Variants in MDGA2 observed in about 807,000 individuals in gnomAD.
MDGA2 encodes the protein MAM domain containing glycosylphosphatidylinositol anchor 2, also known as MAM domain-containing glycosylphosphatidylinositol anchor protein 2.
Under a neutral mutation model 117.8 loss-of-function variants are expected in MDGA2, and 40 were observed. The ratio of observed to expected loss-of-function variants is 0.34; its 90% CI spans 0.26 to 0.44. The LOEUF (loss-of-function observed/expected upper bound fraction) is 0.44. Ranked by LOEUF, MDGA2 falls within the 20% of genes least tolerant of loss-of-function variation. The pLI, the probability that MDGA2 is intolerant of heterozygous loss-of-function variation, is 1.00. For synonymous variants in MDGA2, 452 were observed against 439.0 expected (o/e 1.03, Z -0.37); for missense variants, 1,123 against 1,250.6 (o/e 0.90, Z 1.54).
intron 1 of MDGA2, among the ~76,000 whole-genome samples, chr14:47,429,054 GT>G (rs1892747100): frequency 2.0e-5 from 3 of 151,978 alleles, no homozygotes; most frequent in African/African-American, 4.8e-5. Flanking sequence ...GTAAAACCCC[GT>G]CTCTACTAAA....
At chr14:47,462,639 A>C (rs567980418) in intron 1 of MDGA2, among the ~76,000 whole-genome samples, 4 of 152,304 alleles carry the variant, frequency 2.6e-5, no homozygotes, top group Admixed American at 6.5e-5. Flanking sequence ...GCTAACTCAG[A>C]ATCTCCCAGG....
chr14:46,894,079 ACT>A (rs1272756507), intron 10 of MDGA2, among the ~76,000 whole-genome samples: 1 of 151,970 alleles, frequency 6.6e-6, no homozygotes, highest in Non-Finnish European at 1.5e-5. Flanking sequence ...AAAAGTAGTA[ACT>A]CTAATATTTT....
chr14:47,119,505 T>G (rs1011113972), intron 5 of MDGA2, among the ~76,000 whole-genome samples: 5 of 152,198 alleles, frequency 3.3e-5, no homozygotes, highest in African/African-American at 1.2e-4. Flanking sequence ...TTCCTTAAAA[T>G]GTAATATAAT....
At chr14:47,190,504 G>C (rs1885068911) in intron 3 of MDGA2, among the ~76,000 whole-genome samples, 1 of 152,148 alleles carries the variant, frequency 6.6e-6, no homozygotes, top group Admixed American at 6.5e-5. Context: ...TTCACAGATT[G>C]ACTTGAATGT....
At chr14:46,933,727 A>G (rs976535986) in intron 9 of MDGA2, among the ~76,000 whole-genome samples, 4 of 147,544 alleles carry the variant, frequency 2.7e-5, no homozygotes, top group Non-Finnish European at 6.0e-5. Flanking sequence ...TTTCAACACA[A>G]TTATGTCACC....
chr14:47,490,756 A>G (rs1372033454), intron 1 of MDGA2, among the ~76,000 whole-genome samples: 1 of 152,154 alleles, frequency 6.6e-6, no homozygotes, highest in Non-Finnish European at 1.5e-5. Flanking sequence ...ATATTATATC[A>G]GCTGTAATAA....
At chr14:46,887,521 A>G (rs1451826444) in intron 10 of MDGA2, among the ~76,000 whole-genome samples, 1 of 152,000 alleles carries the variant, frequency 6.6e-6, no homozygotes, top group Non-Finnish European at 1.5e-5. Flanking sequence ...CCAGCATACA[A>G]TGTATTTTTA....
intron 14 of MDGA2, among the ~76,000 whole-genome samples, chr14:46,863,445 A>G (rs1881594946): frequency 6.6e-6 from 1 of 152,186 alleles, no homozygotes; most frequent in African/African-American, 2.4e-5. Context: ...AGCCTGTGCA[A>G]TTCATCCTAT....
intron 8 of MDGA2, among the ~76,000 whole-genome samples, chr14:46,967,847 A>AGAAT (rs1886097306): frequency 6.6e-6 from 1 of 152,200 alleles, no homozygotes. Flanking sequence ...TAATAATAAA[A>AGAAT]GAATGATTAT....
chr14:47,038,328 T>C (rs1235604371), intron 7 of MDGA2, among the ~76,000 whole-genome samples: 1 of 152,094 alleles, frequency 6.6e-6, no homozygotes, highest in Non-Finnish European at 1.5e-5. Context: ...AAAAGAGAAG[T>C]GGTGTCAAAA....
At chr14:47,355,139 C>G (rs1400332221) in intron 1 of MDGA2, among the ~76,000 whole-genome samples, 1 of 152,120 alleles carries the variant, frequency 6.6e-6, no homozygotes, top group Non-Finnish European at 1.5e-5. Flanking sequence ...GCCCCACCAG[C>G]TTACCCTCGC....
chr14:47,674,725 G>C lies in MDGA2; in HGVS notation c.72C>G (p.Arg24=), dbSNP rs915309641. The C allele has an allele frequency of 9.7e-6, 8 of 825,208 alleles. No homozygotes were observed. The East Asian group carries it at 2.1e-4, about 22-fold the overall frequency. 51.1% of individuals were successfully genotyped at this position (825,208 alleles called of 1,614,324 possible). The change falls in exon 1 of 17, where the codon CGC becomes CGG. Residue 24 remains arginine, a synonymous_variant. Transcript: ENST00000399232. ...CGGGAACCGCTCGCCGAAGGAGGAAGCGCCGTCCGTCTGTCCTTCCCCGGC... is the reference window on the plus strand; with the variant it reads ...CGGGAACCGCTCGCCGAAGGAGGAACCGCCGTCCGTCTGTCCTTCCCCGGC... ...RRRRGRTDGR[R]FLLRRAVPGH...
intron 1 of MDGA2, among the ~76,000 whole-genome samples, chr14:47,478,310 CA>C (rs1158911578): frequency 2.0e-5 from 3 of 152,058 alleles, no homozygotes; most frequent in Non-Finnish European, 4.4e-5. Flanking sequence ...ATGGCCAAAA[CA>C]AAAGGTTATT....
chr14:46,856,620 T>C (rs1182036886), intron 14 of MDGA2, among the ~76,000 whole-genome samples: 4 of 152,064 alleles, frequency 2.6e-5, no homozygotes, highest in Non-Finnish European at 5.9e-5. Flanking sequence ...TATGTTATTG[T>C]TTTCTTAGTC....
chr14:47,654,266 T>C (rs1897698464), intron 1 of MDGA2, among the ~76,000 whole-genome samples: 1 of 152,044 alleles, frequency 6.6e-6, no homozygotes, highest in Non-Finnish European at 1.5e-5. Flanking sequence ...GATAACAAAA[T>C]CTAGTTTGAT....
chr14:47,541,707 G>A (rs1357983153), intron 1 of MDGA2, among the ~76,000 whole-genome samples: 6 of 152,184 alleles, frequency 3.9e-5, no homozygotes, highest in African/African-American at 1.2e-4. Flanking sequence ...AGAGCTTGAA[G>A]AAATGTCTTC....
intron 5 of MDGA2, among the ~76,000 whole-genome samples, chr14:47,112,216 T>A (rs570115166): frequency 3.3e-5 from 5 of 151,966 alleles, no homozygotes; most frequent in African/African-American, 9.7e-5. Flanking sequence ...AATGAGAAAA[T>A]TTTTTGCTTA....
At chr14:47,521,937 G>A (rs1894876158) in intron 1 of MDGA2, among the ~76,000 whole-genome samples, 2 of 152,034 alleles carry the variant, frequency 1.3e-5, no homozygotes, top group Admixed American at 6.6e-5. Context: ...CTCCCAAAGT[G>A]CTGGGATTAC....
intron 1 of MDGA2, among the ~76,000 whole-genome samples, chr14:47,362,638 A>G (rs1247009293): frequency 6.6e-6 from 1 of 152,170 alleles, no homozygotes; most frequent in Non-Finnish European, 1.5e-5. Context: ...GGTAAAAACT[A>G]AAAGTCATCA....
Sources: allele counts gnomAD v4.1 joint callset (sites outside exome capture counted in the v4.1 genomes callset), GRCh38; gene constraint gnomAD v4.1.1; transcripts MANE v1.5; gene names NCBI Gene and HGNC (gene_info 2026-07-23, HGNC 2026-07-21).